Variants in CALN1 observed in about 807,000 individuals in gnomAD.
CALN1 encodes the protein calcium-binding protein 8.
In CALN1, 17 loss-of-function variants were observed where a neutral mutation model predicts 30.6. The observed-to-expected ratio is 0.56, with a 90% CI of 0.38 to 0.83. The LOEUF (loss-of-function observed/expected upper bound fraction) is 0.83. Among genes scored for constraint, CALN1 ranks in the 40% least tolerant of loss-of-function variants. The pLI is 0.00. For missense variants in CALN1, 291 were observed against 354.9 expected, an observed-to-expected ratio of 0.82 and a Z score of 1.45; for synonymous variants, 156 against 131.4, an observed-to-expected ratio of 1.19 and a Z score of -1.28.
At chr7:72,454,645 G>T in the CALN1 span, among the ~76,000 whole-genome samples, 1 of 152,126 alleles carries the variant, frequency 6.6e-6, no homozygotes, top group Non-Finnish European at 1.5e-5. Context: ...GAGCAAAAAT[G>T]TGGGGAGAGG....
chr7:72,011,110 G>A (rs1377161448), intron 5 of CALN1, among the ~76,000 whole-genome samples: 1 of 150,354 alleles, frequency 6.7e-6, no homozygotes, highest in Non-Finnish European at 1.5e-5. Flanking sequence ...CCGAGATGGC[G>A]CCACTGCACT....
chr7:72,330,714 G>T (rs1349411716), intron 2 of CALN1, among the ~76,000 whole-genome samples: 1 of 152,156 alleles, frequency 6.6e-6, no homozygotes, highest in Non-Finnish European at 1.5e-5. Flanking sequence ...CAGATTTGTG[G>T]TGCATGAGAT....
chr7:71,796,177 CTTTG>C (rs1338369884), intron 6 of CALN1, among the ~76,000 whole-genome samples: 1 of 151,960 alleles, frequency 6.6e-6, no homozygotes, highest in African/African-American at 2.4e-5. Flanking sequence ...ATATGTCATA[CTTTG>C]TTTATCCATT....
At chr7:71,976,450 A>AGCCT (rs2129526795) in intron 5 of CALN1, among the ~76,000 whole-genome samples, 1 of 152,328 alleles carries the variant, frequency 6.6e-6, no homozygotes, top group African/African-American at 2.4e-5. Flanking sequence ...AAATGGGAGC[A>AGCCT]GCCTGTGTCC....
chr7:72,364,064 T>TA (rs140134497), intron 2 of CALN1, among the ~76,000 whole-genome samples: 87,007 of 148,684 alleles, frequency 0.59, 25,263 homozygotes, highest in East Asian at 0.73. Context: ...AAAATTGCAG[T>TA]AAAAAAAAAA....
chr7:72,269,904 G>A (rs938412206), intron 3 of CALN1, among the ~76,000 whole-genome samples: 2 of 152,154 alleles, frequency 1.3e-5, no homozygotes, highest in Non-Finnish European at 2.9e-5. Context: ...CAACTTTAAA[G>A]AGCTATTATA....
chr7:71,781,890 T>C lies in CALN1; in HGVS notation c.*5885A>G, dbSNP rs148331273. On this transcript the variant is annotated 3_prime_UTR_variant, in exon 7 of 7. Transcript: ENST00000395275. ...CAGAGGACTGTCTTGTGGGTGGGACTGGAAAAACCTCATTCTTTGTGATAT... is the reference window on the plus strand; with the variant it reads ...CAGAGGACTGTCTTGTGGGTGGGACCGGAAAAACCTCATTCTTTGTGATAT... 7 of 152,312 alleles carry C rather than the reference T, an allele frequency of 4.6e-5. No homozygotes were observed. Among genetic ancestry groups the C allele is most frequent in the Admixed American group, 4.6e-4 (7 of 15,300 alleles). 9.4% of individuals were successfully genotyped at this position (152,312 alleles called of 1,614,324 possible). A position where few individuals can be genotyped will look rare whatever the true frequency, so the allele number is the denominator to read the frequency against.
At chr7:71,968,886 T>C (rs1378542995) in intron 5 of CALN1, among the ~76,000 whole-genome samples, 1 of 149,942 alleles carries the variant, frequency 6.7e-6, no homozygotes, top group African/African-American at 2.4e-5. Flanking sequence ...CTCTACAATT[T>C]TTTTTTTTTT....
intron 4 of CALN1, among the ~76,000 whole-genome samples, chr7:72,036,403 A>G (rs1801800939): frequency 6.6e-6 from 1 of 152,152 alleles, no homozygotes; most frequent in Non-Finnish European, 1.5e-5. Context: ...GTGTTCAACC[A>G]TTCTTTCTTC....
chr7:72,448,885 G>A (rs921843018), upstream of CALN1, among the ~76,000 whole-genome samples: 11 of 152,086 alleles, frequency 7.2e-5, no homozygotes, highest in East Asian at 1.9e-4. Context: ...GATTACAGGC[G>A]TGAGCCACCG....
the CALN1 span, among the ~76,000 whole-genome samples, chr7:72,466,625 C>G: frequency 1.3e-5 from 2 of 152,002 alleles, no homozygotes; most frequent in Admixed American, 6.6e-5. Context: ...CACTTGTAAT[C>G]CCAGCTACTC....
intron 3 of CALN1, among the ~76,000 whole-genome samples, chr7:72,181,269 TAC>T (rs1277676880): frequency 1.3e-5 from 2 of 148,744 alleles, no homozygotes; most frequent in African/African-American, 4.9e-5. Context: ...TAGTATATAT[TAC>T]AAATATACAA....
At chr7:72,465,169 G>A in the CALN1 span, among the ~76,000 whole-genome samples, 4 of 152,126 alleles carry the variant, frequency 2.6e-5, no homozygotes, top group African/African-American at 7.2e-5. Context: ...GGGTACAGGT[G>A]GACACACTCC....
chr7:72,116,615 G>A (rs1297911252), intron 3 of CALN1, among the ~76,000 whole-genome samples: 1 of 152,076 alleles, frequency 6.6e-6, no homozygotes, highest in African/African-American at 2.4e-5. Context: ...TAGCACTAGC[G>A]GCCAGCCATA....
At chr7:71,996,415 T>A (rs1299134212) in intron 5 of CALN1, among the ~76,000 whole-genome samples, 1 of 152,182 alleles carries the variant, frequency 6.6e-6, no homozygotes, top group African/African-American at 2.4e-5. Context: ...CCAGTGAGTG[T>A]TGTTCCCCTC....
chr7:72,085,575 C>A (rs1385000354), intron 4 of CALN1, among the ~76,000 whole-genome samples: 1 of 151,930 alleles, frequency 6.6e-6, no homozygotes, highest in African/African-American at 2.4e-5. Context: ...GGGCATATGC[C>A]CCTTGGATAA....
chr7:71,980,877 C>CATTTCA (rs1369681318), intron 5 of CALN1, among the ~76,000 whole-genome samples: 1 of 152,076 alleles, frequency 6.6e-6, no homozygotes, highest in Non-Finnish European at 1.5e-5. Flanking sequence ...CACCTGGGCT[C>CATTTCA]AGCTCATTCC....
chr7:72,374,597 C>G (rs986830850), intron 2 of CALN1, among the ~76,000 whole-genome samples: 1 of 150,620 alleles, frequency 6.6e-6, no homozygotes, highest in African/African-American at 2.4e-5. Flanking sequence ...AAGGCACTTT[C>G]TCAACCTTAT....
intron 5 of CALN1, among the ~76,000 whole-genome samples, chr7:71,855,150 A>G (rs1267707742): frequency 2.0e-5 from 3 of 152,216 alleles, no homozygotes; most frequent in Non-Finnish European, 2.9e-5. Flanking sequence ...ATGCATGCTA[A>G]GGGGAATTGA....
Sources: gnomAD v4.1 joint callset for allele counts (sites outside exome capture counted in the v4.1 genomes callset) on GRCh38, gnomAD v4.1.1 for gene constraint, MANE v1.5 for transcripts, NCBI Gene and HGNC (gene_info 2026-07-23, HGNC 2026-07-21) for gene names.